Variants in AUH observed in about 807,000 individuals in gnomAD.
AUH encodes AU RNA binding methylglutaconyl-CoA hydratase, also known as methylglutaconyl-CoA hydratase, mitochondrial.
AUH carries 29 observed loss-of-function variants against 42.3 expected under a neutral mutation model. The observed-to-expected ratio is 0.69, with a 90% confidence interval of 0.51 to 0.93. The LOEUF (loss-of-function observed/expected upper bound fraction) is 0.93, where lower values mean the gene tolerates loss of function less well. AUH is among the 40% of genes least tolerant of loss of function. The pLI is 0.00. For synonymous variants in AUH, 174 were observed against 166.4 expected (o/e 1.05, Z -0.35); for missense variants, 452 against 438.1 (o/e 1.03, Z -0.28).
chr9:91,333,636 T>C (rs527491128), intron 3 of AUH, among the ~76,000 whole-genome samples: 39 of 152,344 alleles, frequency 2.6e-4, no homozygotes, highest in African/African-American at 9.4e-4. Context: ...GGATTTACCA[T>C]CAATTTTACT....
At chr9:91,231,463 C>G (rs1827878185) in intron 6 of AUH, among the ~76,000 whole-genome samples, 1 of 152,194 alleles carries the variant, frequency 6.6e-6, no homozygotes. Flanking sequence ...CTGGCACTCC[C>G]TAGTGAGATG....
intron 6 of AUH, among the ~76,000 whole-genome samples, chr9:91,275,432 A>C (rs551033134): frequency 1.6e-4 from 25 of 152,312 alleles, no homozygotes; most frequent in African/African-American, 5.5e-4. Flanking sequence ...ATCTTAGAGG[A>C]GCTCTATGGT....
At chr9:91,318,166 T>C (rs1829300412) in intron 4 of AUH, among the ~76,000 whole-genome samples, 1 of 152,206 alleles carries the variant, frequency 6.6e-6, no homozygotes, top group Non-Finnish European at 1.5e-5. Flanking sequence ...ATCTGTTCCT[T>C]ATGCATTGGG....
intron 6 of AUH, among the ~76,000 whole-genome samples, chr9:91,264,354 T>C (rs1324718261): frequency 6.6e-6 from 1 of 152,226 alleles, no homozygotes; most frequent in African/African-American, 2.4e-5. Flanking sequence ...CTAGGATTTC[T>C]AATTGCTTTT....
rs1159040769 is a variant in AUH, at chr9:91,214,155, G to T, written c.*193C>A. On this transcript the variant is annotated 3_prime_UTR_variant, in exon 10 of 10. Coordinates refer to ENST00000375731, the MANE Select transcript of AUH (RefSeq NM_001698.3). The stretch of plus-strand genomic sequence containing the variant: ...TATACACTACTAGCTTTATAAATCT[G>T]AATGAATATGACATTTACACATTTG... 1.4e-5 allele frequency: 8 copies of T among 575,290 alleles called. No homozygotes were observed. The highest frequency in any genetic ancestry group is 7.5e-5 in the African/African-American group (4 of 53,442). 35.6% of individuals were successfully genotyped at this position (575,290 alleles called of 1,614,324 possible). A position where few individuals can be genotyped will look rare whatever the true frequency, so the allele number is the denominator to read the frequency against.
At chr9:91,328,417 G>A (rs898279257) in intron 3 of AUH, among the ~76,000 whole-genome samples, 3 of 152,226 alleles carry the variant, frequency 2.0e-5, no homozygotes, top group East Asian at 1.9e-4. Flanking sequence ...CAGCCAGGAT[G>A]TAAGAGGCTG....
intron 3 of AUH, among the ~76,000 whole-genome samples, chr9:91,349,469 T>G (rs1831781645): frequency 6.6e-6 from 1 of 152,264 alleles, no homozygotes; most frequent in Non-Finnish European, 1.5e-5. Context: ...TTTGTTACTT[T>G]GAATTAGAAA....
chr9:91,308,933 G>T (rs950670328), intron 4 of AUH, among the ~76,000 whole-genome samples: 1 of 151,588 alleles, frequency 6.6e-6, no homozygotes, highest in Non-Finnish European at 1.5e-5. Context: ...TGGCATTACA[G>T]GTGCCTACCA....
chr9:91,338,580 A>G (rs1346280611), intron 3 of AUH, among the ~76,000 whole-genome samples: 1 of 152,084 alleles, frequency 6.6e-6, no homozygotes, highest in African/African-American at 2.4e-5. Context: ...ACAGGTGCCC[A>G]CCACCACGCC....
intron 3 of AUH, among the ~76,000 whole-genome samples, chr9:91,336,698 A>G (rs899779749): frequency 1.3e-5 from 2 of 152,064 alleles, no homozygotes; most frequent in Middle Eastern, 3.2e-3. Context: ...GAAAAAAAAA[A>G]AAAGAAAGAA....
chr9:91,229,621 C>T (rs2131279355), intron 6 of AUH, among the ~76,000 whole-genome samples: 2 of 151,352 alleles, frequency 1.3e-5, no homozygotes, highest in Middle Eastern at 3.4e-3. Context: ...TTATTTTGCT[C>T]GTTGGTTGAT....
chr9:91,252,149 T>C (rs550895038), intron 6 of AUH, among the ~76,000 whole-genome samples: 2 of 152,156 alleles, frequency 1.3e-5, no homozygotes, highest in South Asian at 4.1e-4. Context: ...GTATTTTTTG[T>C]AGAGACAGGG....
intron 3 of AUH, among the ~76,000 whole-genome samples, chr9:91,351,347 T>C (rs1831966260): frequency 6.6e-6 from 1 of 152,216 alleles, no homozygotes; most frequent in Non-Finnish European, 1.5e-5. Flanking sequence ...CTCTCTATGC[T>C]TGTAACAGGT....
chr9:91,246,775 A>C (rs1467263048), intron 6 of AUH, among the ~76,000 whole-genome samples: 1 of 152,272 alleles, frequency 6.6e-6, no homozygotes, highest in African/African-American at 2.4e-5. Context: ...ATAAATGACT[A>C]TTTAACAAGG....
At chr9:91,318,413 T>A (rs186072248) in intron 4 of AUH, among the ~76,000 whole-genome samples, 140 of 152,300 alleles carry the variant, frequency 9.2e-4, no homozygotes, top group African/African-American at 3.0e-3. Context: ...AAATACAGCC[T>A]TGGAATGTGC....
chr9:91,229,019 A>AG (rs969374883), intron 6 of AUH, among the ~76,000 whole-genome samples: 2 of 151,650 alleles, frequency 1.3e-5, no homozygotes, highest in Non-Finnish European at 2.9e-5. Context: ...GCTGAAAAAA[A>AG]TGTATATTCT....
At chr9:91,297,286 A>G (rs1827422396) in intron 5 of AUH, among the ~76,000 whole-genome samples, 1 of 152,180 alleles carries the variant, frequency 6.6e-6, no homozygotes, top group South Asian at 2.1e-4. Context: ...GAGTGAATAC[A>G]TGTCAAGTGC....
At chr9:91,280,738 G>A (rs560829273) in intron 6 of AUH, among the ~76,000 whole-genome samples, 1 of 152,074 alleles carries the variant, frequency 6.6e-6, no homozygotes, top group Non-Finnish European at 1.5e-5. Flanking sequence ...CTTACCAGTG[G>A]GCTAGGCCCC....
chr9:91,247,710 T>C (rs1232806357), intron 6 of AUH, among the ~76,000 whole-genome samples: 1 of 152,236 alleles, frequency 6.6e-6, no homozygotes, highest in African/African-American at 2.4e-5. Flanking sequence ...AGTCATTCTA[T>C]AGGTGTTCAG....
Sources: allele counts gnomAD v4.1 joint callset (sites outside exome capture counted in the v4.1 genomes callset), GRCh38; gene constraint gnomAD v4.1.1; transcripts MANE v1.5; gene names NCBI Gene and HGNC (gene_info 2026-07-23, HGNC 2026-07-21).